The following SNX16 variants were observed in gnomAD, a reference collection of about 807,000 sequenced individuals.
SNX16 encodes sorting nexin 16, also known as sorting nexin-16.
Under a neutral mutation model 36.7 loss-of-function variants are expected in SNX16, and 35 were observed. The observed-to-expected ratio is 0.95, with a 90% CI of 0.73 to 1.27. SNX16 has a LOEUF of 1.27. SNX16 is among the 50% of genes most tolerant of loss of function. The pLI, the probability that SNX16 is intolerant of heterozygous loss-of-function variation, is 0.00. For synonymous variants in SNX16, 134 were observed against 132.0 expected, an observed-to-expected ratio of 1.02 and a Z score of -0.10; for missense variants, 367 against 393.6, an observed-to-expected ratio of 0.93 and a Z score of 0.57.
chr8:81,806,761 G>A (rs1223177756), intron 5 of SNX16, among the ~76,000 whole-genome samples: 1 of 152,000 alleles, frequency 6.6e-6, no homozygotes, highest in Non-Finnish European at 1.5e-5. Flanking sequence ...TATGATTACC[G>A]ATATGGAAAA....
At chr8:81,812,890 G>C (rs1030371077) in intron 5 of SNX16, among the ~76,000 whole-genome samples, 1 of 151,848 alleles carries the variant, frequency 6.6e-6, no homozygotes, top group African/African-American at 2.4e-5. Context: ...GGGAGGAAAC[G>C]GAGAGATATT....
At chr8:81,826,220 A>G (rs1392604571) in intron 3 of SNX16, among the ~76,000 whole-genome samples, 2 of 152,166 alleles carry the variant, frequency 1.3e-5, no homozygotes, top group Non-Finnish European at 2.9e-5. Flanking sequence ...AGATCAGTTT[A>G]GGAGAGAGCA....
chr8:81,813,659 A>T (rs1278229453), intron 5 of SNX16, among the ~76,000 whole-genome samples: 1 of 151,966 alleles, frequency 6.6e-6, no homozygotes, highest in African/African-American at 2.4e-5. Flanking sequence ...ACAGACTGCA[A>T]GAAAATATCT....
intron 2 of SNX16, among the ~76,000 whole-genome samples, chr8:81,838,887 T>G (rs868627662): frequency 1.3e-4 from 20 of 151,406 alleles, no homozygotes; most frequent in African/African-American, 4.1e-4. Flanking sequence ...ATATCCAAAG[T>G]GCACAGAAAA....
At position 81,802,509 on chromosome 8, in the gene SNX16, T is replaced by G; in HGVS notation, c.819-10A>C. 1 of 1,598,678 alleles carries G rather than the reference T, an allele frequency of 6.3e-7. No homozygotes were observed. Among genetic ancestry groups the G allele is most frequent in the Non-Finnish European group, 8.5e-7 (1 of 1,172,948 alleles). On this transcript the variant is annotated splice_polypyrimidine_tract_variant and intron_variant, in intron 6 of 7. Coordinates refer to ENST00000345957, the MANE Select transcript of SNX16 (RefSeq NM_152836.3). The stretch of plus-strand genomic sequence containing the variant: ...TTCTAAAGACAATGTTCTAAAAGTA[T>G]GTTATAGCAACAAGTTATTTTCTAT...
In SNX16 at chr8:81,821,487, C is replaced by T. The variant is rs183560398; in HGVS notation, c.611+2305G>A. ...TCGACTTCTTGGTGGTAGTACAAGTCCTCTTTTATGGTATGCTATTAAACA... is the reference window on the plus strand; with the variant it reads ...TCGACTTCTTGGTGGTAGTACAAGTTCTCTTTTATGGTATGCTATTAAACA... On this transcript the variant is annotated intron_variant, in intron 4 of 7. Transcript: ENST00000345957. Among the ~76,000 whole-genome samples the T allele has an allele frequency of 9.9e-5, 15 of 151,646 alleles. No individual in the cohort carries two copies. The East Asian group carries it at 1.9e-3, about 20-fold the overall frequency.
At chr8:81,808,660 C>G in intron 5 of SNX16, 1 of 982,206 alleles carries the variant, frequency 1.0e-6, no homozygotes, top group Admixed American at 1.7e-5. Context: ...CAATACTTTG[C>G]CAAACCACGA....
intron 5 of SNX16, among the ~76,000 whole-genome samples, chr8:81,803,614 C>T (rs1296779044): frequency 6.6e-6 from 1 of 151,906 alleles, no homozygotes; most frequent in African/African-American, 2.4e-5. Context: ...TAAAAAATAT[C>T]AACTGTGGTT....
intron 7 of SNX16, among the ~76,000 whole-genome samples, chr8:81,801,996 T>C (rs558151584): frequency 2.2e-4 from 33 of 151,664 alleles, no homozygotes; most frequent in African/African-American, 8.0e-4. Flanking sequence ...TCCTATTAGG[T>C]AAGAAGGGTG....
Position 81,801,418 on chromosome 8 carries a change from T to C in SNX16, c.*79A>G. ...TCTTTTCTATATGTTTTACAGTTCT[T>C]GGTTCTTCTTTTAAAATAGTATTTG... On this transcript the variant is annotated 3_prime_UTR_variant, in exon 8 of 8. Coordinates refer to ENST00000345957, the MANE Select transcript of SNX16 (RefSeq NM_152836.3). 1.3e-6 allele frequency: 1 copy of C among 793,908 alleles called. No homozygotes were observed. Among genetic ancestry groups the C allele is most frequent in the Non-Finnish European group, 2.0e-6 (1 of 506,202 alleles). 49.2% of individuals were successfully genotyped at this position (793,908 alleles called of 1,614,324 possible). A position where few individuals can be genotyped will look rare whatever the true frequency, so the allele number is the denominator to read the frequency against.
intron 6 of SNX16, 64 bp from the exon 7 acceptor site, chr8:81,802,563 T>C (rs1809753533): frequency 7.1e-7 from 1 of 1,414,230 alleles, no homozygotes; most frequent in Non-Finnish European, 9.7e-7. Flanking sequence ...TTTAATGTTG[T>C]GAATACAGGT....
intron 4 of SNX16, among the ~76,000 whole-genome samples, chr8:81,816,788 C>G (rs1453435860): frequency 1.3e-5 from 2 of 152,240 alleles, no homozygotes; most frequent in East Asian, 3.9e-4. Context: ...GGTGGTAGAG[C>G]TGTACTTTCA....
chr8:81,818,978 T>C (rs935299467), intron 4 of SNX16, among the ~76,000 whole-genome samples: 14 of 152,146 alleles, frequency 9.2e-5, no homozygotes, highest in Non-Finnish European at 1.8e-4. Context: ...TTCTCATTTA[T>C]TTCAATTGTT....
chr8:81,819,921 G>T (rs980678715), intron 4 of SNX16, among the ~76,000 whole-genome samples: 1 of 152,062 alleles, frequency 6.6e-6, no homozygotes, highest in African/African-American at 2.4e-5. Context: ...TTGTGTAATG[G>T]TAAGGGCTTA....
chr8:81,817,499 T>C (rs1346574191), intron 4 of SNX16, among the ~76,000 whole-genome samples: 2 of 152,184 alleles, frequency 1.3e-5, no homozygotes, highest in Non-Finnish European at 2.9e-5. Flanking sequence ...TGAAATCCAA[T>C]GGATTCTTTA....
intron 5 of SNX16, chr8:81,808,471 G>A (rs561759136): frequency 4.0e-6 from 4 of 989,864 alleles, no homozygotes; most frequent in African/African-American, 3.1e-5. Context: ...AGCTGTGGTG[G>A]TGGGGGATAT....
In SNX16 at chr8:81,801,462, G is replaced by T; in HGVS notation, c.*35C>A. The stretch of plus-strand genomic sequence containing the variant: ...GTATTTGCCACTCTTCTAAATTTTT[G>T]AATAGTCTAAATGGAGGGAACTGCT... On this transcript the variant is annotated 3_prime_UTR_variant, in exon 8 of 8. Transcript: ENST00000345957. The T allele has an allele frequency of 2.3e-6, 3 of 1,278,522 alleles. No homozygotes were observed. Among genetic ancestry groups the T allele is most frequent in the Non-Finnish European group, 3.3e-6 (3 of 917,270 alleles). 79.2% of individuals were successfully genotyped at this position (1,278,522 alleles called of 1,614,324 possible).
intron 4 of SNX16, among the ~76,000 whole-genome samples, chr8:81,822,314 A>G (rs1810783497): frequency 6.6e-6 from 1 of 152,126 alleles, no homozygotes; most frequent in African/African-American, 2.4e-5. Flanking sequence ...GCATATTTGA[A>G]GGCTCTGAGA....
At chr8:81,820,548 C>T (rs1810692439) in intron 4 of SNX16, among the ~76,000 whole-genome samples, 1 of 147,704 alleles carries the variant, frequency 6.8e-6, no homozygotes, top group Admixed American at 6.8e-5. Context: ...TTTAATGGAT[C>T]AACCATCAAT....
Sources: gnomAD v4.1 joint callset for allele counts (sites outside exome capture counted in the v4.1 genomes callset) on GRCh38, gnomAD v4.1.1 for gene constraint, MANE v1.5 for transcripts, NCBI Gene and HGNC (gene_info 2026-07-23, HGNC 2026-07-21) for gene names.